LRRC49: variants seen among roughly 807,000 people sequenced by gnomAD.
LRRC49 encodes the protein leucine rich repeat containing 49, also known as leucine-rich repeat-containing protein 49.
LRRC49 carries 50 observed loss-of-function variants against 83.3 expected under a neutral mutation model. The ratio of observed to expected loss-of-function variants is 0.60; its 90% CI spans 0.48 to 0.76. The LOEUF is 0.76. LRRC49 is among the 30% of genes least tolerant of loss of function. The pLI, the probability that LRRC49 is intolerant of heterozygous loss-of-function variation, is 0.00. For synonymous variants in LRRC49, 286 were observed against 283.3 expected, an observed-to-expected ratio of 1.01 and a Z score of -0.10; for missense variants, 704 against 809.1, an observed-to-expected ratio of 0.87 and a Z score of 1.58.
chr15:70,888,644 C>T (rs556660889), upstream of LRRC49, among the ~76,000 whole-genome samples: 161 of 152,210 alleles, frequency 1.1e-3, no homozygotes, highest in African/African-American at 3.7e-3. Context: ...TTAAGAACTT[C>T]AGTACATCAA....
intron 1 of LRRC49, among the ~76,000 whole-genome samples, chr15:70,865,923 T>C (rs1363502296): frequency 6.6e-6 from 1 of 152,170 alleles, no homozygotes; most frequent in Non-Finnish European, 1.5e-5. Context: ...TCCGATATTA[T>C]GCAGCCACAC....
chr15:70,926,294 G>A (rs1357474327), intron 7 of LRRC49, among the ~76,000 whole-genome samples: 2 of 151,894 alleles, frequency 1.3e-5, no homozygotes, highest in African/African-American at 4.8e-5. Flanking sequence ...GCCCAGGCTC[G>A]TTTTGAACTC....
intron 1 of LRRC49, chr15:70,860,008 C>A: frequency 1.3e-6 from 1 of 751,004 alleles, no homozygotes; most frequent in South Asian, 1.4e-5. Flanking sequence ...ACCTCACAAG[C>A]CCCGGCCTCA....
chr15:71,009,019 C>T (rs1463406789), intron 12 of LRRC49, among the ~76,000 whole-genome samples: 2 of 151,816 alleles, frequency 1.3e-5, no homozygotes, highest in East Asian at 1.9e-4. Context: ...TTTAATAGCT[C>T]ATTAAAATTA....
chr15:71,037,802 A>G (rs2039571593), intron 15 of LRRC49, among the ~76,000 whole-genome samples: 1 of 152,244 alleles, frequency 6.6e-6, no homozygotes, highest in Middle Eastern at 3.4e-3. Flanking sequence ...TTACTTAATC[A>G]TATAATTTCA....
chr15:70,966,016 A>T (rs1407777470), intron 9 of LRRC49, among the ~76,000 whole-genome samples: 1 of 152,048 alleles, frequency 6.6e-6, no homozygotes, highest in Non-Finnish European at 1.5e-5. Context: ...TGTATTATCT[A>T]TGTTTGCTTT....
At chr15:70,939,395 A>C (rs573029382) in intron 8 of LRRC49, among the ~76,000 whole-genome samples, 18 of 152,244 alleles carry the variant, frequency 1.2e-4, no homozygotes, top group African/African-American at 4.3e-4. Context: ...TGGTGTGTCC[A>C]TTTTTATGTT....
intron 9 of LRRC49, among the ~76,000 whole-genome samples, chr15:70,976,968 G>T (rs2037227847): frequency 6.6e-6 from 1 of 152,064 alleles, no homozygotes; most frequent in Admixed American, 6.5e-5. Flanking sequence ...CCAAGGTTTA[G>T]CTTTCCTTTT....
chr15:70,960,871 G>T (rs534325671), intron 8 of LRRC49, among the ~76,000 whole-genome samples: 1 of 152,038 alleles, frequency 6.6e-6, no homozygotes, highest in African/African-American at 2.4e-5. Flanking sequence ...CTTGGATTTG[G>T]CAATTAGTTT....
intron 15 of LRRC49, among the ~76,000 whole-genome samples, chr15:71,044,441 T>C (rs976353235): frequency 6.6e-6 from 1 of 152,216 alleles, no homozygotes; most frequent in African/African-American, 2.4e-5. Flanking sequence ...GTTGGACTTA[T>C]TGTTAACTTA....
rs1010212 is a variant in LRRC49 at position 71,024,182 on chromosome 15, G to T, written c.1703+11269G>T. On this transcript the variant is annotated intron_variant, in intron 14 of 15. Transcript: ENST00000260382. ...AGCCGATTTAGTCTTTCTCCTGCTG[G>T]CTCTGAGGTATCTGGGTAGTCCAGA... Among the ~76,000 whole-genome samples, 88 of 152,350 alleles carry T rather than the reference G, an allele frequency of 5.8e-4. 1 individual carries two copies. In the South Asian group the frequency reaches 0.017, roughly 30 times the overall value.
intron 5 of LRRC49, among the ~76,000 whole-genome samples, chr15:70,909,164 C>T (rs972213788): frequency 2.0e-5 from 3 of 152,158 alleles, no homozygotes; most frequent in African/African-American, 7.2e-5. Flanking sequence ...GTGATACAAT[C>T]TCCATTATCC....
rs555299556 is a variant in LRRC49 at position 70,988,892 on chromosome 15, A to G, written c.1169+4635A>G. ...AAAGTATTTTATTTCTCCTTCACTT[A>G]TGAAGCTTAGTTTGGCTGTATATGA... On this transcript the variant is annotated intron_variant, in intron 11 of 15. Transcript: ENST00000260382. 4.7e-4 allele frequency among the ~76,000 whole-genome samples: 72 copies of G among 152,234 alleles called. 1 individual carries two copies. The highest frequency in any genetic ancestry group is 1.5e-3 in the African/African-American group (63 of 41,552).
intron 2 of LRRC49, among the ~76,000 whole-genome samples, chr15:70,884,971 C>A (rs1252991518): frequency 6.6e-6 from 1 of 152,120 alleles, no homozygotes; most frequent in Admixed American, 6.5e-5. Flanking sequence ...AGTTTTCCCA[C>A]TTATTTTATA....
chr15:71,001,469 T>C (rs947826476), intron 11 of LRRC49, among the ~76,000 whole-genome samples: 4 of 152,196 alleles, frequency 2.6e-5, no homozygotes, highest in African/African-American at 9.6e-5. Context: ...ATCTTTTTCT[T>C]ATTTCCAGTG....
At chr15:70,959,552 AG>A (rs1567070822) in intron 8 of LRRC49, among the ~76,000 whole-genome samples, 1 of 49,558 alleles carries the variant, frequency 2.0e-5, no homozygotes, top group African/African-American at 6.5e-5. Context: ...GAAGGAAGGA[AG>A]GAAGGAAGGA....
intron 2 of LRRC49, among the ~76,000 whole-genome samples, chr15:70,885,373 CA>C (rs1257530622): frequency 1.3e-5 from 2 of 152,110 alleles, no homozygotes; most frequent in African/African-American, 4.8e-5. Flanking sequence ...CATGCCTTTA[CA>C]AAAGTACTAT....
At chr15:71,044,895 T>C (rs2039807600) in intron 15 of LRRC49, among the ~76,000 whole-genome samples, 1 of 137,126 alleles carries the variant, frequency 7.3e-6, no homozygotes, top group Admixed American at 7.2e-5. Flanking sequence ...TCTTTTTTTT[T>C]TTTTTTTTTT....
chr15:70,854,244 C>T (rs2032588433), intron 1 of LRRC49: 1 of 261,856 alleles, frequency 3.8e-6, no homozygotes, highest in East Asian at 1.6e-4. Flanking sequence ...CCCGCGCCGC[C>T]GCCGCCGCCG....
Sources: gnomAD v4.1 joint callset for allele counts (sites outside exome capture counted in the v4.1 genomes callset) on GRCh38, gnomAD v4.1.1 for gene constraint, MANE v1.5 for transcripts, NCBI Gene and HGNC (gene_info 2026-07-23, HGNC 2026-07-21) for gene names.